The following DUSP16 variants were observed in gnomAD, a reference collection of about 807,000 sequenced individuals.
DUSP16 encodes the protein dual specificity protein phosphatase 16.
DUSP16 carries 21 observed loss-of-function variants against 58.3 expected under a neutral mutation model. That is an observed-to-expected ratio of 0.36 (90% CI 0.26 to 0.52). The LOEUF (loss-of-function observed/expected upper bound fraction) is 0.52, where lower values mean the gene tolerates loss of function less well. Among genes scored for constraint, DUSP16 ranks in the 20% least tolerant of loss-of-function variants. The pLI is 0.94. For synonymous variants in DUSP16, 320 were observed against 323.8 expected (o/e 0.99, Z 0.12); for missense variants, 726 against 819.0 (o/e 0.89, Z 1.39).
intron 5 of DUSP16, among the ~76,000 whole-genome samples, chr12:12,482,293 A>G (rs1299193847): frequency 1.3e-5 from 2 of 152,204 alleles, no homozygotes; most frequent in African/African-American, 4.8e-5. Flanking sequence ...AAAAAAGAAG[A>G]AGGCTGGAAG....
At position 12,477,251 on chromosome 12, in the gene DUSP16, T is replaced by G. The variant is rs1393509537; in HGVS notation, c.1580A>C (p.His527Pro). 4 of 1,614,168 alleles carry G rather than the reference T, an allele frequency of 2.5e-6. No homozygotes were observed. In the African/African-American group the frequency reaches 5.3e-5, roughly 22 times the overall value. ...GCCCAGGCCAGCAGACTTCGTGAGG[T>G]GCTGCTGGCTGGTGGAAAGGCCGAA... ...FLFGLSTSQQHLTKSAGLGLK... is the reference protein window; with the variant it reads ...FLFGLSTSQQPLTKSAGLGLK... Residue 527 changes from histidine (H) to proline (P), a missense_variant, in exon 7 of 7, where the codon CAC becomes CCC. By Grantham distance (77) the His-to-Pro change is moderately conservative. Transcript: ENST00000298573. This position sits in a 1 kb window ranked among gnomAD's most constrained non-coding sequence, Gnocchi z 4.1.
intron 1 of DUSP16, among the ~76,000 whole-genome samples, chr12:12,524,737 T>A (rs1462774014): frequency 1.3e-5 from 2 of 152,220 alleles, no homozygotes; most frequent in Middle Eastern, 3.2e-3. Context: ...TATTTATCTA[T>A]TTATTTAGCC....
intron 1 of DUSP16, among the ~76,000 whole-genome samples, chr12:12,554,894 T>G (rs1157382606): frequency 6.6e-6 from 1 of 152,310 alleles, no homozygotes; most frequent in African/African-American, 2.4e-5. Context: ...CAACCCAAGA[T>G]GTTTAACTAA....
chr12:12,530,038 T>A (rs754435588), intron 1 of DUSP16, among the ~76,000 whole-genome samples: 8 of 152,220 alleles, frequency 5.3e-5, no homozygotes, highest in African/African-American at 1.4e-4. Context: ...AGTAATGGGA[T>A]TGCTGGATTA....
intron 3 of DUSP16, among the ~76,000 whole-genome samples, chr12:12,505,340 T>C (rs1332329328): frequency 4.6e-5 from 7 of 152,232 alleles, no homozygotes; most frequent in Admixed American, 4.6e-4. Flanking sequence ...CCCAAACTGA[T>C]GGAAGAGCCT....
At chr12:12,478,390 TG>T (rs2136187179) in intron 6 of DUSP16, among the ~76,000 whole-genome samples, 1 of 152,050 alleles carries the variant, frequency 6.6e-6, no homozygotes, top group East Asian at 1.9e-4. Context: ...TGGAATACAG[TG>T]GCATGATCAT....
intron 1 of DUSP16, among the ~76,000 whole-genome samples, chr12:12,528,656 A>C (rs79562971): frequency 0.08 from 12,223 of 152,266 alleles, 560 homozygotes; most frequent in Non-Finnish European, 0.099. Flanking sequence ...AAAATGTAGC[A>C]ATAAATGAAA....
chr12:12,561,626 G>C (rs1006683701), intron 1 of DUSP16, among the ~76,000 whole-genome samples: 2 of 152,234 alleles, frequency 1.3e-5, no homozygotes, highest in African/African-American at 4.8e-5. Flanking sequence ...TCACCACCCA[G>C]GTGGCCTCGC....
At position 12,477,944 on chromosome 12, in the gene DUSP16, T is replaced by TATGC; in HGVS notation, c.886_887insGCAT (p.Lys296SerfsTer5). 6.2e-7 allele frequency: 1 copy of TATGC among 1,614,204 alleles called. No homozygotes were observed. Among genetic ancestry groups the TATGC allele is most frequent in the Non-Finnish European group, 8.5e-7 (1 of 1,180,032 alleles). ...TGCTCCAGTCTGGTTCTTAATCTTC[T>TATGC]TCTCATAGTCCAGGAGTTGGCCCAG... On this transcript the variant is annotated frameshift_variant, in exon 7 of 7. Transcript: ENST00000298573. LOFTEE classifies it high-confidence loss of function. This position sits in a 1 kb window ranked among gnomAD's most constrained non-coding sequence, Gnocchi z 4.1.
chr12:12,489,339 A>G (rs1258004667), intron 4 of DUSP16, among the ~76,000 whole-genome samples: 2 of 152,186 alleles, frequency 1.3e-5, no homozygotes, highest in African/African-American at 4.8e-5. Flanking sequence ...CAAAGGTTAC[A>G]TTTGTTTTTC....
chr12:12,477,520 A>T lies in DUSP16; in HGVS notation c.1311T>A (p.Asp437Glu). 6.2e-7 allele frequency: 1 copy of T among 1,604,148 alleles called. No individual in the cohort carries two copies. The highest frequency in any genetic ancestry group is 2.2e-5 in the East Asian group (1 of 44,766). The change falls in exon 7 of 7, where the codon GAT becomes GAA. Residue 437 changes from aspartate (D) to glutamate (E), a missense_variant. Transcript: ENST00000298573. The surrounding 1 kb of genome is among the most constrained non-coding windows in gnomAD (Gnocchi z 4.1). ...AGAACTGGCATAGCTTGTTGGTCCC[A>T]TCCAGAGTAGTGGAAGGTTTGTAGT... ...LEYYKPSTTL[D>E]GTNKLCQFSP...
chr12:12,489,191 T>C (rs570953532), intron 4 of DUSP16, among the ~76,000 whole-genome samples: 11 of 152,328 alleles, frequency 7.2e-5, no homozygotes, highest in African/African-American at 2.4e-4. Flanking sequence ...ACTAGGTGGA[T>C]TTCTTAGATT....
intron 1 of DUSP16, among the ~76,000 whole-genome samples, chr12:12,549,372 G>A (rs935149446): frequency 5.3e-5 from 8 of 152,050 alleles, no homozygotes; most frequent in East Asian, 1.9e-4. Context: ...ACCCACCCCC[G>A]CACTTCCCTA....
intron 1 of DUSP16, among the ~76,000 whole-genome samples, chr12:12,557,260 C>T (rs1270286991): frequency 6.6e-6 from 1 of 152,034 alleles, no homozygotes; most frequent in Non-Finnish European, 1.5e-5. Context: ...TCGAGACCAT[C>T]CTGGCCAACG....
chr12:12,507,418 A>G (rs987939019), intron 3 of DUSP16, among the ~76,000 whole-genome samples: 1 of 152,200 alleles, frequency 6.6e-6, no homozygotes, highest in Non-Finnish European at 1.5e-5. Context: ...GCAGAATCAA[A>G]GAGAACTGCC....
chr12:12,519,773 G>T (rs1944202437), intron 3 of DUSP16, 89 bp downstream of exon 3: 1 of 1,322,160 alleles, frequency 7.6e-7, no homozygotes, highest in Non-Finnish European at 1.1e-6. Flanking sequence ...AAGTTGGGAT[G>T]ATCTATTGTA....
Position 12,476,743 on chromosome 12 carries a change from T to C in DUSP16, c.*90A>G. The stretch of plus-strand genomic sequence containing the variant: ...GCTCCATTTTCCAAAAATATATATG[T>C]ATGTACATATATATATTTCAGATTT... On this transcript the variant is annotated 3_prime_UTR_variant, in exon 7 of 7. Transcript: ENST00000298573. 2.4e-6 allele frequency: 3 copies of C among 1,238,520 alleles called. No homozygotes were observed. The Admixed American group carries it at 7.0e-5, about 29-fold the overall frequency. 76.7% of individuals were successfully genotyped at this position (1,238,520 alleles called of 1,614,324 possible). A position where few individuals can be genotyped will look rare whatever the true frequency, so the allele number is the denominator to read the frequency against.
Position 12,473,531 on chromosome 12 carries a change from T to C in DUSP16, c.*3302A>G, listed in dbSNP as rs1011916907. Among the ~76,000 whole-genome samples, 1 of 152,216 alleles carries C rather than the reference T, an allele frequency of 6.6e-6. No individual in the cohort carries two copies. The highest frequency in any genetic ancestry group is 1.5e-5 in the Non-Finnish European group (1 of 68,040). ...TCTATCTCACTTCCACCTCTTTTTCTGCAGGGTCCTGGCCAAGATAGCTCT... is the reference window on the plus strand; with the variant it reads ...TCTATCTCACTTCCACCTCTTTTTCCGCAGGGTCCTGGCCAAGATAGCTCT... On this transcript the variant is annotated 3_prime_UTR_variant, in exon 7 of 7. Coordinates refer to ENST00000298573, the MANE Select transcript of DUSP16 (RefSeq NM_030640.3).
intron 1 of DUSP16, among the ~76,000 whole-genome samples, chr12:12,532,158 C>T (rs372247958): frequency 6.7e-6 from 1 of 149,214 alleles, no homozygotes; most frequent in African/African-American, 2.5e-5. Context: ...GAGCGAGACT[C>T]CGTCTCAAAA....
Sources: gnomAD v4.1 joint callset for allele counts (sites outside exome capture counted in the v4.1 genomes callset) on GRCh38, gnomAD v4.1.1 for gene constraint, Gnocchi (gnomAD v3.1) non-coding constraint, MANE v1.5 for transcripts, NCBI Gene and HGNC (gene_info 2026-07-23, HGNC 2026-07-21) for gene names.